ZFP64: variants seen among roughly 807,000 people sequenced by gnomAD.
The protein encoded by ZFP64 is zinc finger protein 64.
Under a neutral mutation model 51.6 loss-of-function variants are expected in ZFP64, and 14 were observed. That is an observed-to-expected ratio of 0.27 (90% confidence interval 0.18 to 0.42). The LOEUF (loss-of-function observed/expected upper bound fraction) is 0.42, where lower values mean the gene tolerates loss of function less well. Ranked by LOEUF, ZFP64 falls within the 10% of genes least tolerant of loss-of-function variation. The pLI, the probability that ZFP64 is intolerant of heterozygous loss-of-function variation, is 1.00. For missense variants in ZFP64, 754 were observed against 906.8 expected, an observed-to-expected ratio of 0.83 and a Z score of 2.16; for synonymous variants, 375 against 361.4, an observed-to-expected ratio of 1.04 and a Z score of -0.43.
chr20:52,091,240 G>C (rs2078923331), intron 7 of ZFP64, among the ~76,000 whole-genome samples: 1 of 151,756 alleles, frequency 6.6e-6, no homozygotes, highest in Non-Finnish European at 1.5e-5. Flanking sequence ...GCTCACGCCA[G>C]TAATCCCAGC....
At chr20:52,131,374 A>C (rs919631618) in intron 5 of ZFP64, among the ~76,000 whole-genome samples, 4 of 152,228 alleles carry the variant, frequency 2.6e-5, no homozygotes, top group Non-Finnish European at 2.9e-5. Context: ...CTTACTTAAC[A>C]ATAATATAAC....
At chr20:52,174,604 T>C (rs1292498514) in intron 2 of ZFP64, among the ~76,000 whole-genome samples, 1 of 152,192 alleles carries the variant, frequency 6.6e-6, no homozygotes, top group Admixed American at 6.5e-5. Flanking sequence ...TATCATGTTG[T>C]CATTCATCGA....
At chr20:52,190,642 G>T (rs1259465479) in intron 1 of ZFP64, among the ~76,000 whole-genome samples, 2 of 152,136 alleles carry the variant, frequency 1.3e-5, no homozygotes, top group Non-Finnish European at 1.5e-5. Context: ...GAGATACTGA[G>T]TCATAACAGG....
At chr20:52,161,267 T>A (rs1359369485) in intron 4 of ZFP64, among the ~76,000 whole-genome samples, 2 of 152,218 alleles carry the variant, frequency 1.3e-5, no homozygotes, top group Non-Finnish European at 2.9e-5. Flanking sequence ...ATCTGTGAAC[T>A]ACTGCTAACT....
At chr20:52,132,128 G>A (rs1979751416) in intron 5 of ZFP64, among the ~76,000 whole-genome samples, 1 of 152,088 alleles carries the variant, frequency 6.6e-6, no homozygotes, top group Admixed American at 6.6e-5. Context: ...TGACCAATGG[G>A]TCAATGAAGA....
intron 3 of ZFP64, chr20:52,165,472 A>C (rs1454236055): frequency 2.2e-6 from 1 of 464,024 alleles, no homozygotes. Context: ...GATGAAGGGC[A>C]TACAGGGATT....
chr20:52,115,783 TTC>T (rs74996752), intron 5 of ZFP64, among the ~76,000 whole-genome samples: 8,064 of 143,012 alleles, frequency 0.056, 280 homozygotes, highest in Admixed American at 0.12. Flanking sequence ...GAACCTAAAT[TTC>T]TCTCTCTCTC....
rs1424150125 is a variant in ZFP64 at position 52,160,919 on chromosome 20, C to G, written c.512-545G>C. 1.3e-5 allele frequency among the ~76,000 whole-genome samples: 2 copies of G among 152,178 alleles called. No homozygotes were observed. The highest frequency in any genetic ancestry group is 4.8e-5 in the African/African-American group (2 of 41,430). On this transcript the variant is annotated intron_variant, in intron 4 of 5. Coordinates refer to ENST00000216923, the MANE Select transcript of ZFP64 (RefSeq NM_018197.3). The surrounding 1 kb of genome is among the most constrained non-coding windows in gnomAD (Gnocchi z 4.2). Reference sequence around the variant, plus strand: ...AAACGGCTTGCCTTTTACATTTTCTCTTTTCCTGCTTCTAGCCAAGGCATG... The same window carrying G: ...AAACGGCTTGCCTTTTACATTTTCTGTTTTCCTGCTTCTAGCCAAGGCATG...
intron 5 of ZFP64, among the ~76,000 whole-genome samples, chr20:52,142,098 G>T (rs1980282791): frequency 6.6e-6 from 1 of 152,108 alleles, no homozygotes; most frequent in South Asian, 2.1e-4. Flanking sequence ...CTGGCGCGGT[G>T]GCTCACACCT....
intron 5 of ZFP64, among the ~76,000 whole-genome samples, chr20:52,133,227 C>G (rs115523244): frequency 0.2 from 30,073 of 152,032 alleles, 3,283 homozygotes; most frequent in Admixed American, 0.26. Flanking sequence ...TAGCCATATA[C>G]GACAGACCCA....
At chr20:52,144,307 T>C (rs11698379) in intron 5 of ZFP64, among the ~76,000 whole-genome samples, 1,898 of 141,334 alleles carry the variant, frequency 0.013, 290 homozygotes, top group Admixed American at 0.028. Flanking sequence ...AGGCCAGGCA[T>C]GGTGGCTCAC....
Position 52,191,373 on chromosome 20 carries a change from C to T in ZFP64, c.46+218G>A, listed in dbSNP as rs1984355667. ...AGGGGTCTCGCAAGGCTGGAGAGCGCCCCCGGTCTTGCGCCAGGTCGGGTG... is the reference window on the plus strand; with the variant it reads ...AGGGGTCTCGCAAGGCTGGAGAGCGTCCCCGGTCTTGCGCCAGGTCGGGTG... On this transcript the variant is annotated intron_variant, in intron 1 of 5. Coordinates refer to ENST00000216923, the MANE Select transcript of ZFP64 (RefSeq NM_018197.3). This position sits in a 1 kb window ranked among gnomAD's most constrained non-coding sequence, Gnocchi z 4.3. Among the ~76,000 whole-genome samples, 1 of 152,130 alleles carries T rather than the reference C, an allele frequency of 6.6e-6. No homozygotes were observed. The highest frequency in any genetic ancestry group is 1.5e-5 in the Non-Finnish European group (1 of 68,002).
chr20:52,143,940 C>T (rs1440556094), intron 5 of ZFP64, among the ~76,000 whole-genome samples: 2 of 143,290 alleles, frequency 1.4e-5, no homozygotes, highest in South Asian at 4.7e-4. Context: ...TGGAACACAG[C>T]TAATTACTAC....
intron 5 of ZFP64, among the ~76,000 whole-genome samples, chr20:52,136,517 T>C (rs1360612672): frequency 3.9e-5 from 6 of 152,210 alleles, no homozygotes; most frequent in Admixed American, 1.3e-4. Context: ...TTCTTATTTA[T>C]GTGAATAAAA....
At chr20:52,183,350 C>T (rs1267269145) in intron 2 of ZFP64, among the ~76,000 whole-genome samples, 1 of 152,204 alleles carries the variant, frequency 6.6e-6, no homozygotes, top group Non-Finnish European at 1.5e-5. Context: ...AAGCCTCCCA[C>T]ACGCAGGGCA....
At chr20:52,130,664 T>C (rs939684334) in intron 5 of ZFP64, among the ~76,000 whole-genome samples, 4 of 152,148 alleles carry the variant, frequency 2.6e-5, no homozygotes, top group Admixed American at 2.6e-4. Context: ...TCAAACTTCT[T>C]AGGGCTGATG....
chr20:52,131,238 GGGAA>G (rs1979709009), intron 5 of ZFP64, among the ~76,000 whole-genome samples: 2 of 146,996 alleles, frequency 1.4e-5, no homozygotes, highest in South Asian at 2.2e-4. Flanking sequence ...AAGGAAGGAC[GGGAA>G]GGAAGGAAGA....
intron 6 of ZFP64, chr20:52,097,470 T>C (rs771244752): frequency 4.8e-6 from 7 of 1,458,290 alleles, no homozygotes; most frequent in South Asian, 1.2e-5. Context: ...TTTTTTTTTT[T>C]TGGAGACAGA....
intron 5 of ZFP64, among the ~76,000 whole-genome samples, chr20:52,103,391 AC>A (rs2079074390): frequency 6.6e-6 from 1 of 152,212 alleles, no homozygotes; most frequent in African/African-American, 2.4e-5. Context: ...GACCAAAGGT[AC>A]TAGGATAAAA....
Sources: allele counts gnomAD v4.1 joint callset (sites outside exome capture counted in the v4.1 genomes callset), GRCh38; gene constraint gnomAD v4.1.1; non-coding constraint Gnocchi (gnomAD v3.1); transcripts MANE v1.5; gene names NCBI Gene and HGNC (gene_info 2026-07-23, HGNC 2026-07-21).